Variants in SARS1 observed in about 807,000 individuals in gnomAD.
SARS1 encodes serine--tRNA ligase, cytoplasmic.
SARS1 carries 25 observed loss-of-function variants against 63.7 expected under a neutral mutation model. That is an observed-to-expected ratio of 0.39 (90% CI 0.29 to 0.55). The LOEUF (loss-of-function observed/expected upper bound fraction) is 0.55. Ranked by LOEUF, SARS1 falls within the 20% of genes least tolerant of loss-of-function variation. The pLI is 0.62. For synonymous variants in SARS1, 231 were observed against 243.5 expected (o/e 0.95, Z 0.48); for missense variants, 417 against 649.7 (o/e 0.64, Z 3.89).
intron 6 of SARS1, among the ~76,000 whole-genome samples, chr1:109,233,483 A>AT (rs1655247969): frequency 1.2e-5 from 1 of 80,866 alleles, no homozygotes. Flanking sequence ...TTTCTTCCTT[A>AT]CTTTTTTTTT....
At position 109,214,240 on chromosome 1, in the gene SARS1, C is replaced by A; in HGVS notation, c.136+112C>A. 7.6e-7 allele frequency: 1 copy of A among 1,320,364 alleles called. No individual in the cohort carries two copies. Among genetic ancestry groups the A allele is most frequent in the Non-Finnish European group, 1.0e-6 (1 of 970,554 alleles). The allele number at this position is 1,320,364 out of a possible 1,614,324, so 81.8% of individuals were successfully genotyped here. A position where few individuals can be genotyped will look rare whatever the true frequency, so the allele number is the denominator to read the frequency against. On this transcript the variant is annotated intron_variant, in intron 1 of 10. Coordinates refer to ENST00000234677, the MANE Select transcript of SARS1 (RefSeq NM_006513.4). The surrounding 1 kb of genome is among the most constrained non-coding windows in gnomAD (Gnocchi z 4.6). ...TTCCACCCTTCGTCAGACCCCCTCCCAGGGTGCGGTGGCTCCGAGGTTCTC... is the reference window on the plus strand; with the variant it reads ...TTCCACCCTTCGTCAGACCCCCTCCAAGGGTGCGGTGGCTCCGAGGTTCTC...
chr1:109,223,127 T>A (rs1486710123), intron 1 of SARS1, among the ~76,000 whole-genome samples: 2 of 152,250 alleles, frequency 1.3e-5, no homozygotes, highest in Non-Finnish European at 2.9e-5. Flanking sequence ...TACCAATATA[T>A]TAATTTGGGC....
intron 1 of SARS1, chr1:109,216,699 C>A: frequency 1.6e-6 from 1 of 643,050 alleles, no homozygotes; most frequent in Non-Finnish European, 1.9e-6. Context: ...CAGCTCACTG[C>A]AGCCTCAATC....
At chr1:109,223,897 A>T in intron 1 of SARS1, 81 bp from the exon 2 acceptor site, 1 of 1,033,316 alleles carries the variant, frequency 9.7e-7, no homozygotes, top group Non-Finnish European at 1.5e-6. Context: ...TGAAATCAGT[A>T]CTAAGAAGTC....
At chr1:109,228,550 T>A in intron 3 of SARS1, 118 bp downstream of exon 3, 1 of 678,346 alleles carries the variant, frequency 1.5e-6, no homozygotes. Context: ...TCATTTCTGC[T>A]GCTGGGAAAT....
rs371484104 is a variant in SARS1 at position 109,229,587 on chromosome 1, C to T, written c.447+15C>T. The T allele has an allele frequency of 3.6e-5, 58 of 1,605,574 alleles. No homozygotes were observed. Among genetic ancestry groups the T allele is most frequent in the South Asian group, 3.0e-4 (27 of 90,118 alleles). The stretch of plus-strand genomic sequence containing the variant: ...GTAACGATGAGGTAGGTGGCTGTGC[C>T]GCAGCAGGAGGCTGCCTTAGGTCGC... On this transcript the variant is annotated intron_variant, in intron 4 of 10. Transcript: ENST00000234677.
intron 1 of SARS1, among the ~76,000 whole-genome samples, chr1:109,221,660 A>G (rs1477749152): frequency 6.6e-6 from 1 of 152,184 alleles, no homozygotes; most frequent in Non-Finnish European, 1.5e-5. Context: ...CACCAGGTGC[A>G]TAGAGATATA....
chr1:109,215,650 AT>A, intron 1 of SARS1: 1 of 965,920 alleles, frequency 1.0e-6, no homozygotes, highest in African/African-American at 1.8e-5. Flanking sequence ...TATGTAGTTT[AT>A]GTTATTGTTT....
intron 1 of SARS1, among the ~76,000 whole-genome samples, chr1:109,223,491 G>A (rs1654998671): frequency 6.6e-6 from 1 of 152,210 alleles, no homozygotes; most frequent in Admixed American, 6.5e-5. Context: ...CCCTATTGTA[G>A]TCACCATTGT....
intron 1 of SARS1, among the ~76,000 whole-genome samples, chr1:109,218,406 CTTTTTTT>C (rs34756917): frequency 8.4e-6 from 1 of 118,680 alleles, no homozygotes; most frequent in Non-Finnish European, 1.7e-5. Context: ...AGATATTTTA[CTTTTTTT>C]TTTTTTTTTT....
chr1:109,230,593 G>A (rs1014282369), intron 4 of SARS1, among the ~76,000 whole-genome samples: 2 of 152,158 alleles, frequency 1.3e-5, no homozygotes, highest in Non-Finnish European at 2.9e-5. Flanking sequence ...GATCACTCGA[G>A]CCCAGGAGTT....
At position 109,237,819 on chromosome 1, in the gene SARS1, A is replaced by G; in HGVS notation, c.1476A>G (p.Lys492=). The G allele has an allele frequency of 6.2e-7, 1 of 1,614,218 alleles. No homozygotes were observed. Among genetic ancestry groups the G allele is most frequent in the Non-Finnish European group, 8.5e-7 (1 of 1,180,048 alleles). ...KKQKKQHEGS[K]KKAAARDVTL... The stretch of plus-strand genomic sequence containing the variant: ...AGAAGAAGCAACATGAGGGCAGCAA[A>G]AAGAAAGCAGCAGCAAGAGACGTCA... Residue 492 remains lysine (K), a synonymous_variant, in exon 11 of 11, where the codon AAA becomes AAG. Coordinates refer to ENST00000234677, the MANE Select transcript of SARS1 (RefSeq NM_006513.4). This position sits in a 1 kb window ranked among gnomAD's most constrained non-coding sequence, Gnocchi z 4.1.
At position 109,229,467 on chromosome 1, in the gene SARS1, C is replaced by T. The variant is rs780615205; in HGVS notation, c.342C>T (p.Ile114=). Residue 114 remains isoleucine, a synonymous_variant, in exon 4 of 11, where the codon ATC becomes ATT. Coordinates refer to ENST00000234677, the MANE Select transcript of SARS1 (RefSeq NM_006513.4). Reference sequence around the variant, plus strand: ...TCCGACTCCTCATTGATGAAGCCATCCTGAAGTGTGACGCGGAGCGGATAA... The same window carrying T: ...TCCGACTCCTCATTGATGAAGCCATTCTGAAGTGTGACGCGGAGCGGATAA... ...KKVRLLIDEA[I]LKCDAERIKL... 1.2e-5 allele frequency: 20 copies of T among 1,614,016 alleles called. No homozygotes were observed. The South Asian group carries it at 2.1e-4, about 17-fold the overall frequency.
chr1:109,216,414 T>G, intron 1 of SARS1: 1 of 985,342 alleles, frequency 1.0e-6, no homozygotes, highest in Non-Finnish European at 1.2e-6. Context: ...ACAACTCTTC[T>G]AACTCCAGGG....
chr1:109,234,525 A>G (rs1316056428), intron 6 of SARS1, among the ~76,000 whole-genome samples: 1 of 152,196 alleles, frequency 6.6e-6, no homozygotes, highest in Non-Finnish European at 1.5e-5. Flanking sequence ...AAGCACCAAG[A>G]AAGCAGAGAC....
chr1:109,226,714 A>T (rs1334097168), intron 2 of SARS1, among the ~76,000 whole-genome samples: 2 of 61,648 alleles, frequency 3.2e-5, no homozygotes, highest in Non-Finnish European at 7.4e-5. Context: ...ACACACACAC[A>T]CACACACACA....
At chr1:109,230,805 CAA>C (rs775189489) in intron 4 of SARS1, 71 bp from the exon 5 acceptor site, 1,222 of 1,074,434 alleles carry the variant, frequency 1.1e-3, no homozygotes, top group South Asian at 1.8e-3. Flanking sequence ...ACCCTGTCTC[CAA>C]AAAAAAAAAA....
chr1:109,237,379 ACTCCCAG>A lies in SARS1; in HGVS notation c.1387+10_1387+16del, dbSNP rs1308860624. ...GAAGGAGTTCATGCCGCCAGGTAAA[ACTCCCAG>A]CTCATCTCATCGTTCTCCTCTTTTC... On this transcript the variant is annotated splice_region_variant and intron_variant, in intron 10 of 10. Coordinates refer to ENST00000234677, the MANE Select transcript of SARS1 (RefSeq NM_006513.4). This position sits in a 1 kb window ranked among gnomAD's most constrained non-coding sequence, Gnocchi z 4.1. 6.2e-7 allele frequency: 1 copy of A among 1,613,780 alleles called. No individual in the cohort carries two copies. The highest frequency in any genetic ancestry group is 1.3e-5 in the African/African-American group (1 of 74,818).
intron 6 of SARS1, among the ~76,000 whole-genome samples, chr1:109,234,821 C>G (rs1386908771): frequency 6.6e-6 from 1 of 152,160 alleles, no homozygotes; most frequent in Non-Finnish European, 1.5e-5. Flanking sequence ...CAAAAATTAG[C>G]TGAGCGTGGT....
Sources: allele counts gnomAD v4.1 joint callset (sites outside exome capture counted in the v4.1 genomes callset), GRCh38; gene constraint gnomAD v4.1.1; non-coding constraint Gnocchi (gnomAD v3.1); transcripts MANE v1.5; gene names NCBI Gene and HGNC (gene_info 2026-07-23, HGNC 2026-07-21).